MAD1L1: variants seen among roughly 807,000 people sequenced by gnomAD.
MAD1L1 encodes the protein mitotic spindle assembly checkpoint protein MAD1.
A neutral mutation model predicts 96.9 loss-of-function variants in MAD1L1; 95 were observed. That is an observed-to-expected ratio of 0.98 (90% CI 0.83 to 1.16). MAD1L1 has a LOEUF of 1.16. Ranked by LOEUF, MAD1L1 falls within the 50% of genes most tolerant of loss-of-function variation. MAD1L1 has a pLI of 0.00. For missense variants in MAD1L1, 1,007 were observed against 954.4 expected, an observed-to-expected ratio of 1.06 and a Z score of -0.73; for synonymous variants, 473 against 396.6, an observed-to-expected ratio of 1.19 and a Z score of -2.29.
chr7:2,155,216 C>A (rs1023641789), intron 10 of MAD1L1, among the ~76,000 whole-genome samples: 1 of 152,236 alleles, frequency 6.6e-6, no homozygotes, highest in Non-Finnish European at 1.5e-5. Context: ...CTGCCACGCT[C>A]TTCCAAGAGG....
intron 16 of MAD1L1, among the ~76,000 whole-genome samples, chr7:1,948,611 T>C (rs1415131588): frequency 6.6e-6 from 1 of 152,168 alleles, no homozygotes; most frequent in Non-Finnish European, 1.5e-5. Flanking sequence ...ATGCCTGTCC[T>C]GGTTCCAGCA....
chr7:1,824,585 G>C (rs1417577010), intron 18 of MAD1L1, among the ~76,000 whole-genome samples: 1 of 152,132 alleles, frequency 6.6e-6, no homozygotes, highest in Non-Finnish European at 1.5e-5. Context: ...AGCAGGACTG[G>C]TTGTCTGCCA....
At chr7:2,013,200 G>A (rs1210858705) in intron 13 of MAD1L1, among the ~76,000 whole-genome samples, 1 of 152,258 alleles carries the variant, frequency 6.6e-6, no homozygotes, top group Admixed American at 6.5e-5. Context: ...CGCCTGTGAG[G>A]CTGGCTCTCC....
At chr7:2,030,882 T>A (rs7778752) in intron 12 of MAD1L1, among the ~76,000 whole-genome samples, 22 of 152,130 alleles carry the variant, frequency 1.4e-4, no homozygotes, top group Non-Finnish European at 2.9e-4. Context: ...GATGATACCA[T>A]GTCTCTCCCT....
chr7:1,917,520 ATG>A (rs1233769186), intron 17 of MAD1L1, among the ~76,000 whole-genome samples: 1 of 152,230 alleles, frequency 6.6e-6, no homozygotes, highest in Non-Finnish European at 1.5e-5. Context: ...CGCCTGTTGG[ATG>A]TGTCAGGCAC....
chr7:1,875,898 G>T (rs1785362088), intron 18 of MAD1L1, among the ~76,000 whole-genome samples: 1 of 152,228 alleles, frequency 6.6e-6, no homozygotes, highest in South Asian at 2.1e-4. Flanking sequence ...TCCTGATCCA[G>T]CAGGGGCACC....
At chr7:2,024,296 C>T (rs975286214) in intron 12 of MAD1L1, among the ~76,000 whole-genome samples, 1 of 152,178 alleles carries the variant, frequency 6.6e-6, no homozygotes, top group South Asian at 2.1e-4. Context: ...CACCAAAACT[C>T]ACATGAGGAG....
intron 10 of MAD1L1, among the ~76,000 whole-genome samples, chr7:2,193,936 ATTTTTTTT>A (rs35067993): frequency 1.2e-5 from 1 of 82,802 alleles, no homozygotes; most frequent in Non-Finnish European, 2.2e-5. Flanking sequence ...CTCTGCATGG[ATTTTTTTT>A]TTTTTTTTTT....
intron 16 of MAD1L1, among the ~76,000 whole-genome samples, chr7:1,942,468 G>T (rs988300887): frequency 3.3e-5 from 5 of 152,214 alleles, no homozygotes; most frequent in Non-Finnish European, 5.9e-5. Context: ...GCAGGTGCTG[G>T]AAGTGCAGGG....
rs141776696 is a variant in MAD1L1, at chr7:2,157,297, T to C, written c.987-8059A>G. Among the ~76,000 whole-genome samples the C allele has an allele frequency of 1.2e-3, 182 of 152,208 alleles. 1 individual carries two copies. Among genetic ancestry groups the C allele is most frequent in the African/African-American group, 3.8e-3 (159 of 41,542 alleles). Reference sequence around the variant, plus strand: ...ACCACTCCAGCAGTGCAGGTCACCGTGATCAGGAAGCGGTAATGATGGAAC... The same window carrying C: ...ACCACTCCAGCAGTGCAGGTCACCGCGATCAGGAAGCGGTAATGATGGAAC... On this transcript the variant is annotated intron_variant, in intron 10 of 18. Coordinates refer to ENST00000265854, the MANE Select transcript of MAD1L1 (RefSeq NM_001013836.2).
intron 18 of MAD1L1, among the ~76,000 whole-genome samples, chr7:1,863,110 G>A (rs1159555355): frequency 2.0e-5 from 3 of 152,276 alleles, no homozygotes; most frequent in South Asian, 2.1e-4. Flanking sequence ...CCAACCAGAG[G>A]AGGGAGCCCC....
chr7:2,186,349 T>A (rs1690595515), intron 10 of MAD1L1, among the ~76,000 whole-genome samples: 1 of 152,230 alleles, frequency 6.6e-6, no homozygotes, highest in Non-Finnish European at 1.5e-5. Context: ...ATGTGCATTC[T>A]ACGATGGAAT....
At chr7:1,948,415 G>A (rs10950463) in intron 16 of MAD1L1, among the ~76,000 whole-genome samples, 141,262 of 152,198 alleles carry the variant, frequency 0.93, 66,446 homozygotes, top group East Asian at 1. Flanking sequence ...GGGAGGGGCC[G>A]CAGCTTTCCC....
At chr7:1,872,189 G>A (rs769493888) in intron 18 of MAD1L1, among the ~76,000 whole-genome samples, 3 of 152,220 alleles carry the variant, frequency 2.0e-5, no homozygotes, top group Non-Finnish European at 4.4e-5. Flanking sequence ...GCTGCCTGCA[G>A]GGTCAGACAT....
chr7:2,176,903 A>T (rs1790974293), intron 10 of MAD1L1, among the ~76,000 whole-genome samples: 1 of 152,248 alleles, frequency 6.6e-6, no homozygotes, highest in African/African-American at 2.4e-5. Context: ...TCCTCTAAAA[A>T]ACATACGCTA....
chr7:2,054,961 T>A lies in MAD1L1; in HGVS notation c.1218+14233A>T, dbSNP rs116077549. Reference sequence around the variant, plus strand: ...CAGGAGACAAGATGGGTTGCATGGGTCACAGTAGCAGGAGGAGCCGAGCGG... The same window carrying A: ...CAGGAGACAAGATGGGTTGCATGGGACACAGTAGCAGGAGGAGCCGAGCGG... On this transcript the variant is annotated intron_variant, in intron 12 of 18. Transcript: ENST00000265854. Among the ~76,000 whole-genome samples the A allele has an allele frequency of 1.0e-2, 1,519 of 152,194 alleles. 26 individuals are homozygous for A. The highest frequency in any genetic ancestry group is 0.035 in the African/African-American group (1,457 of 41,536).
intron 11 of MAD1L1, among the ~76,000 whole-genome samples, chr7:2,091,580 A>C (rs55742222): frequency 0.025 from 3,739 of 152,248 alleles, 76 homozygotes; most frequent in Middle Eastern, 0.058. Context: ...TCGAGACCAT[A>C]CTGGCTAACA....
chr7:2,033,592 T>C (rs1783330070), intron 12 of MAD1L1, among the ~76,000 whole-genome samples: 1 of 152,070 alleles, frequency 6.6e-6, no homozygotes, highest in South Asian at 2.1e-4. Flanking sequence ...AAATCAACAA[T>C]CAACAGAAGA....
chr7:2,034,137 A>G (rs1303098672), intron 12 of MAD1L1, among the ~76,000 whole-genome samples: 2 of 152,226 alleles, frequency 1.3e-5, no homozygotes, highest in African/African-American at 2.4e-5. Context: ...ATATGGGGAA[A>G]GCACTGAGTC....
Sources: gnomAD v4.1 joint callset for allele counts (sites outside exome capture counted in the v4.1 genomes callset) on GRCh38, gnomAD v4.1.1 for gene constraint, MANE v1.5 for transcripts, NCBI Gene and HGNC (gene_info 2026-07-23, HGNC 2026-07-21) for gene names.